Variants in MMEL1 observed in about 807,000 individuals in gnomAD.
MMEL1 encodes the protein membrane metalloendopeptidase like 1, also known as membrane metallo-endopeptidase-like 1.
In MMEL1, 98 loss-of-function variants were observed where a neutral mutation model predicts 117.1. The observed-to-expected ratio is 0.84, with a 90% confidence interval of 0.71 to 0.99. The LOEUF (loss-of-function observed/expected upper bound fraction) is 0.99, where lower values mean the gene tolerates loss of function less well. Among genes scored for constraint, MMEL1 ranks in the 50% least tolerant of loss-of-function variants. The pLI, the probability that MMEL1 is intolerant of heterozygous loss-of-function variation, is 0.00. For missense variants in MMEL1, 1,014 were observed against 1,049.1 expected (o/e 0.97, Z 0.46); for synonymous variants, 390 against 415.1 (o/e 0.94, Z 0.74).
chr1:2,604,557 G>C (rs1644991058), intron 9 of MMEL1, among the ~76,000 whole-genome samples: 1 of 152,154 alleles, frequency 6.6e-6, no homozygotes, highest in African/African-American at 2.4e-5. Context: ...GGTGGGTGCT[G>C]GGGCTCTCAG....
intron 2 of MMEL1, among the ~76,000 whole-genome samples, chr1:2,614,982 C>T (rs1379713529): frequency 2.0e-5 from 3 of 151,880 alleles, no homozygotes; most frequent in African/African-American, 4.8e-5. Flanking sequence ...TCCCAATGGC[C>T]AGAGTTAGAA....
At position 2,612,616 on chromosome 1, in the gene MMEL1, G is replaced by T. The variant is rs549915350; in HGVS notation, c.155-412C>A. ...ACGCTCCTGGAGTCCCACAGGGCAG[G>T]CTCATTTAGAGGGACAGGGCCTTTT... On this transcript the variant is annotated intron_variant, in intron 2 of 23. Transcript: ENST00000378412. The surrounding 1 kb of genome is among the most constrained non-coding windows in gnomAD (Gnocchi z 5.4). Among the ~76,000 whole-genome samples, 1 of 152,138 alleles carries T rather than the reference G, an allele frequency of 6.6e-6. No homozygotes were observed. The highest frequency in any genetic ancestry group is 1.5e-5 in the Non-Finnish European group (1 of 68,026).
Position 2,629,470 on chromosome 1 carries a change from T to G in MMEL1, c.15A>C (p.Glu5Asp). MGKS[E>D]GPVGMVESAG... ...CGCTCTCCACCATCCCCACTGGGCCTTCGGACTTCCCCATCAGCAGGGCTC... is the reference window on the plus strand; with the variant it reads ...CGCTCTCCACCATCCCCACTGGGCCGTCGGACTTCCCCATCAGCAGGGCTC... The change falls in exon 2 of 24, where the codon GAA (glutamate) becomes GAC (aspartate). Residue 5 changes from glutamate (E) to aspartate (D), a missense_variant. Coordinates refer to ENST00000378412, the MANE Select transcript of MMEL1 (RefSeq NM_033467.4). The G allele has an allele frequency of 2.0e-6, 3 of 1,521,108 alleles. No homozygotes were observed. Among genetic ancestry groups the G allele is most frequent in the Non-Finnish European group, 2.6e-6 (3 of 1,132,880 alleles). The allele number at this position is 1,521,108 out of a possible 1,614,324, so 94.2% of individuals were successfully genotyped here.
intron 21 of MMEL1, among the ~76,000 whole-genome samples, chr1:2,592,246 C>T (rs549271683): frequency 1.6e-4 from 25 of 151,890 alleles, no homozygotes; most frequent in African/African-American, 5.6e-4. Context: ...GGCCAGACAG[C>T]CCACTGCACA....
chr1:2,621,818 T>G (rs539239538), intron 2 of MMEL1, among the ~76,000 whole-genome samples: 18 of 152,300 alleles, frequency 1.2e-4, no homozygotes, highest in South Asian at 2.1e-4. Context: ...TACCTTGGCC[T>G]CCCGAAGTGC....
At chr1:2,613,095 T>G (rs1645154646) in intron 2 of MMEL1, among the ~76,000 whole-genome samples, 1 of 152,136 alleles carries the variant, frequency 6.6e-6, no homozygotes, top group South Asian at 2.1e-4. Context: ...AGTGAAACAC[T>G]GGATGATGAC....
chr1:2,628,912 G>A (rs1444115575), intron 2 of MMEL1, among the ~76,000 whole-genome samples: 1 of 151,670 alleles, frequency 6.6e-6, no homozygotes, highest in Non-Finnish European at 1.5e-5. Flanking sequence ...AGGTGAGCCC[G>A]GGCGGCGGGA....
At chr1:2,600,807 C>T (rs961442612) in intron 11 of MMEL1, among the ~76,000 whole-genome samples, 1 of 152,080 alleles carries the variant, frequency 6.6e-6, no homozygotes, top group Admixed American at 6.5e-5. Flanking sequence ...TGCATATTTA[C>T]AAAGTCAGTA....
chr1:2,611,427 G>T, intron 3 of MMEL1, 87 bp from the exon 4 acceptor site: 1 of 902,736 alleles, frequency 1.1e-6, no homozygotes, highest in Non-Finnish European at 1.6e-6. Context: ...AAGGTCTGGT[G>T]GGTGTGGCAT....
intron 2 of MMEL1, among the ~76,000 whole-genome samples, chr1:2,624,686 C>T (rs1553146179): frequency 0.39 from 59,943 of 152,024 alleles, 12,499 homozygotes; most frequent in East Asian, 0.51. Context: ...ATAGCTCTTA[C>T]GTTCTTAACA....
At chr1:2,604,505 C>T (rs909423814) in intron 9 of MMEL1, among the ~76,000 whole-genome samples, 2 of 152,196 alleles carry the variant, frequency 1.3e-5, no homozygotes, top group African/African-American at 4.8e-5. Context: ...TGCAGGGCTG[C>T]TCAGGGCTTA....
At chr1:2,622,935 C>A (rs564349152) in intron 2 of MMEL1, among the ~76,000 whole-genome samples, 88 of 150,310 alleles carry the variant, frequency 5.9e-4, no homozygotes, top group African/African-American at 2.0e-3. Context: ...CCTGTAATCC[C>A]AGCACTTTGG....
At chr1:2,609,299 C>T (rs774251928) in intron 6 of MMEL1, 40 bp downstream of exon 6, 56 of 1,583,496 alleles carry the variant, frequency 3.5e-5, no homozygotes, top group Admixed American at 7.0e-5. Flanking sequence ...AGCCCGCCCC[C>T]GTCCCCTGCC....
chr1:2,597,877 TGCACTG>T (rs1644869083), intron 13 of MMEL1, among the ~76,000 whole-genome samples: 1 of 152,222 alleles, frequency 6.6e-6, no homozygotes, highest in South Asian at 2.1e-4. Flanking sequence ...CTCTGGCCTC[TGCACTG>T]GCACTGGCTG....
At position 2,591,819 on chromosome 1, in the gene MMEL1, C is replaced by T. The variant is rs985480983; in HGVS notation, c.2163+113G>A. The T allele has an allele frequency of 5.0e-6, 6 of 1,195,088 alleles. No individual in the cohort carries two copies. In the Admixed American group the frequency reaches 7.2e-5, roughly 14 times the overall value. 74.0% of individuals were successfully genotyped at this position (1,195,088 alleles called of 1,614,324 possible). Reference sequence around the variant, plus strand: ...CCCGCCCCCTGCCCCTCATGCTTTTCCCCCAAGGGGCCTTCCATGCTGGGC... The same window carrying T: ...CCCGCCCCCTGCCCCTCATGCTTTTTCCCCAAGGGGCCTTCCATGCTGGGC... On this transcript the variant is annotated intron_variant, in intron 22 of 23. Coordinates refer to ENST00000378412, the MANE Select transcript of MMEL1 (RefSeq NM_033467.4).
Position 2,606,983 on chromosome 1 carries a change from C to T in MMEL1, c.622G>A (p.Glu208Lys), listed in dbSNP as rs751529106. The change falls in exon 7 of 24, where the codon GAG (glutamate) becomes AAG (lysine). Residue 208 changes from glutamate to lysine, a missense_variant. Glu to Lys is a moderately conservative substitution (Grantham distance 56). Transcript: ENST00000378412. The stretch of plus-strand genomic sequence containing the variant: ...CCAGGCCCGGCCTTACCTACGGTCT[C>T]GTTCCACCTGTCCATCGCCACCGGC... ...GWPVAMDRWN[E>K]TVGLEWELER... The T allele has an allele frequency of 1.4e-5, 23 of 1,612,618 alleles. No homozygotes were observed. Among genetic ancestry groups the T allele is most frequent in the South Asian group, 6.6e-5 (6 of 91,080 alleles).
chr1:2,604,307 C>T (rs777596464), intron 9 of MMEL1, 26 bp from the exon 10 acceptor site: 1 of 1,609,904 alleles, frequency 6.2e-7, no homozygotes, highest in African/African-American at 1.3e-5. Flanking sequence ...CCGGGCAGAG[C>T]TGGGTGGCCT....
At chr1:2,610,692 C>T (rs967259601) in intron 4 of MMEL1, among the ~76,000 whole-genome samples, 1 of 152,202 alleles carries the variant, frequency 6.6e-6, no homozygotes, top group Non-Finnish European at 1.5e-5. Context: ...AGGCTTCCCA[C>T]TGAACGCTTT....
At chr1:2,610,193 T>C (rs1418741246) in intron 4 of MMEL1, among the ~76,000 whole-genome samples, 1 of 152,016 alleles carries the variant, frequency 6.6e-6, no homozygotes, top group Non-Finnish European at 1.5e-5. Flanking sequence ...GATGTGTGTC[T>C]CCTCTCCCGA....
Sources: gnomAD v4.1 joint callset for allele counts (sites outside exome capture counted in the v4.1 genomes callset) on GRCh38, gnomAD v4.1.1 for gene constraint, Gnocchi (gnomAD v3.1) non-coding constraint, MANE v1.5 for transcripts, NCBI Gene and HGNC (gene_info 2026-07-23, HGNC 2026-07-21) for gene names.